FREM1: variants seen among roughly 807,000 people sequenced by gnomAD.
The protein encoded by FREM1 is FRAS1 related extracellular matrix 1, also known as FRAS1-related extracellular matrix protein 1.
Under a neutral mutation model 210.1 loss-of-function variants are expected in FREM1, and 220 were observed. The observed-to-expected ratio is 1.05, with a 90% CI of 0.94 to 1.17. The LOEUF (loss-of-function observed/expected upper bound fraction) is 1.17, where lower values mean the gene tolerates loss of function less well. Ranked by LOEUF, FREM1 falls within the 50% of genes most tolerant of loss-of-function variation. FREM1 has a pLI of 0.00. For synonymous variants in FREM1, 1,189 were observed against 980.2 expected (o/e 1.21, Z -3.98); for missense variants, 3,454 against 2,675.5 (o/e 1.29, Z -6.42).
At chr9:14,789,171 C>T (rs548262321) in intron 22 of FREM1, 57 bp from the exon 23 acceptor site, 53 of 1,146,452 alleles carry the variant, frequency 4.6e-5, no homozygotes, top group Middle Eastern at 2.4e-4. Flanking sequence ...CCCCAACGTA[C>T]GTTAGTGGAC....
rs1554664923 is a variant in FREM1 at position 14,791,848 on chromosome 9, T to TGTTTC, written c.3981+894_3981+895insGAAAC. 6.4e-4 allele frequency among the ~76,000 whole-genome samples: 98 copies of TGTTTC among 151,994 alleles called. 6 individuals are homozygous for TGTTTC. Among genetic ancestry groups the TGTTTC allele is most frequent in the African/African-American group, 1.6e-3 (67 of 41,432 alleles). The stretch of plus-strand genomic sequence containing the variant: ...TGTTTTGTTTTGTTTTGTTTTGTTT[T>TGTTTC]TTAAGACGGAGTCTTGCTCTGTCAC... On this transcript the variant is annotated intron_variant, in intron 22 of 36. Transcript: ENST00000380880.
Position 14,737,401 on chromosome 9 carries a change from G to T in FREM1, c.6535C>A (p.Leu2179Ile). The change falls in exon 37 of 37, where the codon CTC becomes ATC. Residue 2179 changes from leucine to isoleucine, a missense_variant. Leu to Ile is a conservative substitution (Grantham distance 5). Transcript: ENST00000380880. ...KPHNYVCSRK[L>I] ...CCCTGTAGGGTCTGTTATATTTAGA[G>T]TTTTCTGGAACACACATAATTATGA... is the stretch of plus-strand genomic sequence containing the variant. 6.2e-7 allele frequency: 1 copy of T among 1,613,194 alleles called. No individual in the cohort carries two copies. The highest frequency in any genetic ancestry group is 8.5e-7 in the Non-Finnish European group (1 of 1,179,452).
intron 24 of FREM1, among the ~76,000 whole-genome samples, chr9:14,779,840 CA>C (rs976221537): frequency 4.7e-4 from 72 of 152,236 alleles, no homozygotes; most frequent in African/African-American, 1.6e-3. Flanking sequence ...GCTAATAGGC[CA>C]GGGGTGAAAA....
intron 35 of FREM1, among the ~76,000 whole-genome samples, chr9:14,742,870 C>A (rs939426505): frequency 6.6e-6 from 1 of 152,020 alleles, no homozygotes; most frequent in East Asian, 1.9e-4. Context: ...TGATGAGAAA[C>A]CTGCTATACT....
chr9:14,763,094 C>T (rs1845795003), intron 27 of FREM1, among the ~76,000 whole-genome samples: 1 of 152,210 alleles, frequency 6.6e-6, no homozygotes, highest in Admixed American at 6.5e-5. Context: ...GCCATGGACA[C>T]ATTTTATGTG....
intron 1 of FREM1, among the ~76,000 whole-genome samples, chr9:14,908,819 T>A (rs140054505): frequency 6.6e-6 from 1 of 152,290 alleles, no homozygotes; most frequent in Non-Finnish European, 1.5e-5. Flanking sequence ...TAAAATCCTT[T>A]GGGCCTGGGA....
chr9:14,879,305 C>A (rs940549268), intron 1 of FREM1, among the ~76,000 whole-genome samples: 1 of 105,690 alleles, frequency 9.5e-6, no homozygotes, highest in African/African-American at 6.7e-5. Context: ...GTGCCCATAA[C>A]ACTGAGGTTG....
chr9:14,747,720 T>C lies in FREM1; in HGVS notation c.5805A>G (p.Pro1935=). 6.5e-7 allele frequency: 1 copy of C among 1,541,298 alleles called. No homozygotes were observed. The highest frequency in any genetic ancestry group is 1.4e-5 in the African/African-American group (1 of 73,052). ...CTGTTCCATTTCTATAAACAGAGGA[T>C]GGACGAACCTGAAATTGACAGAGAA... ...RTRGNGKTVR[P]SSVYRNGTDI... Residue 1935 remains proline, a synonymous_variant, in exon 32 of 37, where the codon CCA becomes CCG. Transcript: ENST00000380880.
intron 23 of FREM1, among the ~76,000 whole-genome samples, chr9:14,788,533 C>T (rs559088868): frequency 6.6e-6 from 1 of 152,030 alleles, no homozygotes; most frequent in East Asian, 1.9e-4. Flanking sequence ...TTTAGAAGTA[C>T]TTTTCCTTTG....
intron 5 of FREM1, among the ~76,000 whole-genome samples, chr9:14,854,066 G>C (rs1828266119): frequency 6.6e-6 from 1 of 152,162 alleles, no homozygotes; most frequent in Non-Finnish European, 1.5e-5. Context: ...AATTGGATCA[G>C]TTATCATCAT....
At chr9:14,749,010 TTAAAG>T (rs1329514148) in intron 30 of FREM1, among the ~76,000 whole-genome samples, 3 of 152,172 alleles carry the variant, frequency 2.0e-5, no homozygotes, top group African/African-American at 4.8e-5. Context: ...CACAAGCACT[TTAAAG>T]TAATCATTTC....
chr9:14,759,910 G>A lies in FREM1; in HGVS notation c.5205-9C>T. 1 of 1,602,432 alleles carries A rather than the reference G, an allele frequency of 6.2e-7. No individual in the cohort carries two copies. The highest frequency in any genetic ancestry group is 1.1e-5 in the South Asian group (1 of 88,582). On this transcript the variant is annotated splice_polypyrimidine_tract_variant and intron_variant, in intron 27 of 36. Coordinates refer to ENST00000380880, the MANE Select transcript of FREM1 (RefSeq NM_001379081.2). ...ACCACTTCAGTTCCAAACTGTGTGTGAAAGGAAAAGAGAAATCATGAGAAT... is the reference window on the plus strand; with the variant it reads ...ACCACTTCAGTTCCAAACTGTGTGTAAAAGGAAAAGAGAAATCATGAGAAT...
chr9:14,814,393 T>C (rs1009545878), intron 15 of FREM1, among the ~76,000 whole-genome samples: 21 of 152,208 alleles, frequency 1.4e-4, no homozygotes, highest in African/African-American at 5.1e-4. Flanking sequence ...AGAAAGCACT[T>C]ATTAAATATT....
intron 29 of FREM1, 89 bp from the exon 30 acceptor site, chr9:14,750,365 C>T (rs1843136250): frequency 4.8e-6 from 5 of 1,037,282 alleles, no homozygotes; most frequent in Non-Finnish European, 5.7e-6. Context: ...ATGTCTACAG[C>T]TAGACTGCAG....
At chr9:14,792,303 C>CACACGG (rs369927789) in intron 22 of FREM1, among the ~76,000 whole-genome samples, 2 of 137,678 alleles carry the variant, frequency 1.5e-5, no homozygotes, top group East Asian at 4.4e-4. Context: ...CACACACACA[C>CACACGG]AGAGAGAGAG....
rs758969097 is a variant in FREM1 at position 14,759,829 on chromosome 9, C to A, written c.5277G>T (p.Leu1759Phe). The change falls in exon 28 of 37, where the codon TTG (leucine) becomes TTT (phenylalanine). Residue 1759 changes from leucine (L) to phenylalanine (F), a missense_variant. Leu to Phe is a conservative substitution (Grantham distance 22, BLOSUM62 0). Coordinates refer to ENST00000380880, the MANE Select transcript of FREM1 (RefSeq NM_001379081.2). ...EYEVCENVGL[L>F]PLEIIRRGYS... ...ATCCCCTTCTGATAATTTCCAAGGG[C>A]AACAAACCCACATTCTCACAGACTT... 4.3e-6 allele frequency: 7 copies of A among 1,612,774 alleles called. No individual in the cohort carries two copies. In the South Asian group the frequency reaches 7.7e-5, roughly 18 times the overall value.
At chr9:14,874,916 T>A (rs1564143505) in intron 1 of FREM1, among the ~76,000 whole-genome samples, 1 of 152,188 alleles carries the variant, frequency 6.6e-6, no homozygotes, top group Non-Finnish European at 1.5e-5. Context: ...TTATTTCTCC[T>A]TCACTTATGA....
intron 22 of FREM1, among the ~76,000 whole-genome samples, chr9:14,792,278 A>G (rs1356169809): frequency 7.3e-6 from 1 of 136,746 alleles, no homozygotes; most frequent in Non-Finnish European, 1.6e-5. Context: ...ACACGCACAC[A>G]CACACACACA....
At chr9:14,774,381 G>A (rs775787413) in intron 25 of FREM1, among the ~76,000 whole-genome samples, 5 of 152,176 alleles carry the variant, frequency 3.3e-5, no homozygotes, top group Non-Finnish European at 7.3e-5. Context: ...GTTGCCTCCA[G>A]ACTGCCTTTG....
Sources: gnomAD v4.1 joint callset for allele counts (sites outside exome capture counted in the v4.1 genomes callset) on GRCh38, gnomAD v4.1.1 for gene constraint, MANE v1.5 for transcripts, NCBI Gene and HGNC (gene_info 2026-07-23, HGNC 2026-07-21) for gene names.